Variants in FBXW11 observed in about 807,000 individuals in gnomAD.
The protein encoded by FBXW11 is F-box/WD repeat-containing protein 11.
A neutral mutation model predicts 77.6 loss-of-function variants in FBXW11; 19 were observed. The observed-to-expected ratio is 0.24, with a 90% CI of 0.17 to 0.36. The LOEUF (loss-of-function observed/expected upper bound fraction) is 0.36. Among genes scored for constraint, FBXW11 ranks in the 10% least tolerant of loss-of-function variants. FBXW11 has a pLI of 1.00. For missense variants in FBXW11, 334 were observed against 704.2 expected, an observed-to-expected ratio of 0.47 and a Z score of 5.95; for synonymous variants, 235 against 249.4, an observed-to-expected ratio of 0.94 and a Z score of 0.54.
intron 9 of FBXW11, among the ~76,000 whole-genome samples, chr5:171,874,995 A>G (rs1329720470): frequency 6.6e-6 from 1 of 152,148 alleles, no homozygotes; most frequent in African/African-American, 2.4e-5. Flanking sequence ...AGAAAATTAA[A>G]AACATGAAAA....
At chr5:171,898,892 T>TA (rs1275526440) in intron 6 of FBXW11, 112 bp downstream of exon 6, 25 of 571,164 alleles carry the variant, frequency 4.4e-5, no homozygotes, top group Middle Eastern at 5.0e-4. Flanking sequence ...CTCAACTTTT[T>TA]AAAAAAAATT....
intron 6 of FBXW11, among the ~76,000 whole-genome samples, 166 bp from the exon 7 acceptor site, chr5:171,891,770 C>T (rs1312810541): frequency 6.6e-6 from 1 of 151,768 alleles, no homozygotes; most frequent in Non-Finnish European, 1.5e-5. Flanking sequence ...AAGACATTAA[C>T]CCAACAATGT....
intron 2 of FBXW11, among the ~76,000 whole-genome samples, chr5:171,948,654 C>A (rs1763147248): frequency 6.6e-6 from 1 of 152,096 alleles, no homozygotes; most frequent in South Asian, 2.1e-4. Context: ...TAAATATAAA[C>A]CAACAGAAAT....
In FBXW11 at chr5:171,866,767, G is replaced by C. The variant is rs77229495; in HGVS notation, c.*25+1843C>G. Among the ~76,000 whole-genome samples the C allele has an allele frequency of 1.8e-4, 27 of 152,294 alleles. No homozygotes were observed. In the East Asian group the frequency reaches 3.1e-3, roughly 17 times the overall value. On this transcript the variant is annotated intron_variant, in intron 13 of 13. Transcript: ENST00000517395. ...TTAGGCTTATTGGGAGGGGAGGTCA[G>C]GGGGAGGAGCAATCACTCAAGAGAT...
intron 11 of FBXW11, 96 bp downstream of exon 11, chr5:171,870,652 A>T: frequency 1.1e-6 from 1 of 874,330 alleles, no homozygotes; most frequent in Non-Finnish European, 1.8e-6. Flanking sequence ...GAAACCTACC[A>T]TAGGACCTGG....
chr5:171,909,438 T>C (rs762528210), intron 4 of FBXW11, among the ~76,000 whole-genome samples: 14 of 152,178 alleles, frequency 9.2e-5, no homozygotes, highest in Non-Finnish European at 1.8e-4. Context: ...ACCCACAAAA[T>C]GAATAACAGC....
intron 2 of FBXW11, among the ~76,000 whole-genome samples, chr5:171,933,457 A>C (rs1451519599): frequency 6.6e-6 from 1 of 152,206 alleles, no homozygotes; most frequent in Non-Finnish European, 1.5e-5. Flanking sequence ...AACCCAAAGA[A>C]TGTACAACAC....
intron 1 of FBXW11, among the ~76,000 whole-genome samples, chr5:172,003,738 AT>A (rs1163735220): frequency 1.3e-5 from 2 of 152,240 alleles, no homozygotes; most frequent in Non-Finnish European, 2.9e-5. Flanking sequence ...AAATTTAACT[AT>A]TCTGCTATCA....
intron 1 of FBXW11, among the ~76,000 whole-genome samples, chr5:171,965,231 G>A (rs1329339609): frequency 6.6e-6 from 1 of 152,126 alleles, no homozygotes; most frequent in Non-Finnish European, 1.5e-5. Context: ...TCTAAGGTAA[G>A]ATATTAGAAC....
intron 2 of FBXW11, among the ~76,000 whole-genome samples, chr5:171,919,253 G>A (rs1288797612): frequency 1.3e-5 from 2 of 152,116 alleles, no homozygotes; most frequent in African/African-American, 4.8e-5. Context: ...GGAGCAGATG[G>A]AGCCTAGGCA....
intron 1 of FBXW11, among the ~76,000 whole-genome samples, chr5:171,959,054 G>A (rs541085493): frequency 2.8e-4 from 42 of 150,660 alleles, no homozygotes; most frequent in African/African-American, 9.5e-4. Flanking sequence ...TTCCTATCTA[G>A]TATCTGTCAC....
chr5:171,886,323 C>CA (rs1758870799), intron 7 of FBXW11, among the ~76,000 whole-genome samples: 1 of 145,006 alleles, frequency 6.9e-6, no homozygotes, highest in Non-Finnish European at 1.5e-5. Context: ...ATCGCAAGGA[C>CA]AAAAAACCAA....
intron 1 of FBXW11, among the ~76,000 whole-genome samples, chr5:171,987,192 A>G (rs777905667): frequency 3.9e-5 from 6 of 152,222 alleles, no homozygotes; most frequent in South Asian, 2.1e-4. Context: ...TTGGAGACCA[A>G]TGACCTAACG....
At chr5:171,969,826 C>G in intron 1 of FBXW11, among the ~76,000 whole-genome samples, 1 of 152,078 alleles carries the variant, frequency 6.6e-6, no homozygotes, top group East Asian at 1.9e-4. Flanking sequence ...CTCAGCCTCC[C>G]GAGTAGAGCT....
intron 7 of FBXW11, among the ~76,000 whole-genome samples, chr5:171,883,401 T>C (rs1388358000): frequency 2.0e-5 from 3 of 152,140 alleles, no homozygotes; most frequent in Non-Finnish European, 4.4e-5. Context: ...GCGGGAGGGA[T>C]AGCATTAGGA....
Position 171,938,441 on chromosome 5 carries a change from C to T in FBXW11, c.147+19156G>A, listed in dbSNP as rs573958444. On this transcript the variant is annotated intron_variant, in intron 2 of 13. Transcript: ENST00000517395. ...AGATTTACTCATAATTAAAGAGATG[C>T]AAATTAAAGCTACACATTTCTCACT... Among the ~76,000 whole-genome samples, 58 of 152,240 alleles carry T rather than the reference C, an allele frequency of 3.8e-4. 3 individuals carry two copies. In the South Asian group the frequency reaches 0.011, roughly 28 times the overall value.
At chr5:171,879,202 T>C (rs1174160490) in intron 7 of FBXW11, among the ~76,000 whole-genome samples, 1 of 152,252 alleles carries the variant, frequency 6.6e-6, no homozygotes, top group Non-Finnish European at 1.5e-5. Context: ...TTTGGAATCA[T>C]ACAGTATGTA....
At chr5:171,872,507 A>T (rs1757814874) in intron 10 of FBXW11, among the ~76,000 whole-genome samples, 1 of 152,172 alleles carries the variant, frequency 6.6e-6, no homozygotes, top group African/African-American at 2.4e-5. Context: ...TGGGAGAGGA[A>T]AATAAAGTAC....
chr5:171,948,434 C>T (rs538350216), intron 2 of FBXW11, among the ~76,000 whole-genome samples: 1 of 149,852 alleles, frequency 6.7e-6, no homozygotes, highest in East Asian at 2.0e-4. Flanking sequence ...AAAATCTCTG[C>T]CATTAAAAAA....
Sources: allele counts gnomAD v4.1 joint callset (sites outside exome capture counted in the v4.1 genomes callset), GRCh38; gene constraint gnomAD v4.1.1; transcripts MANE v1.5; gene names NCBI Gene and HGNC (gene_info 2026-07-23, HGNC 2026-07-21).